Variants in GUCY1A2 observed in about 807,000 individuals in gnomAD.
The protein encoded by GUCY1A2 is guanylate cyclase 1 soluble subunit alpha 2, also known as guanylate cyclase soluble subunit alpha-2.
GUCY1A2 carries 27 observed loss-of-function variants against 63.5 expected under a neutral mutation model. That is an observed-to-expected ratio of 0.43 (90% CI 0.31 to 0.59). The LOEUF (loss-of-function observed/expected upper bound fraction) is 0.59, where lower values mean the gene tolerates loss of function less well. Ranked by LOEUF, GUCY1A2 falls within the 20% of genes least tolerant of loss-of-function variation. The probability of loss-of-function intolerance (pLI) is 0.11; values close to 1 mark genes in which losing one functional copy is unlikely to be tolerated. For synonymous variants in GUCY1A2, 364 were observed against 343.5 expected (o/e 1.06, Z -0.66); for missense variants, 768 against 913.3 (o/e 0.84, Z 2.05).
At chr11:106,690,626 A>G in intron 7 of GUCY1A2, among the ~76,000 whole-genome samples, 1 of 152,298 alleles carries the variant, frequency 6.6e-6, no homozygotes, top group African/African-American at 2.4e-5. Flanking sequence ...ACGAACCCCC[A>G]TGACACTCAT....
At chr11:106,851,317 G>C (rs973364936) in intron 4 of GUCY1A2, among the ~76,000 whole-genome samples, 3 of 151,674 alleles carry the variant, frequency 2.0e-5, no homozygotes, top group African/African-American at 7.3e-5. Context: ...CATAACTGTT[G>C]ATTCTTTCCT....
intron 4 of GUCY1A2, among the ~76,000 whole-genome samples, chr11:106,902,207 TG>T (rs987206233): frequency 6.6e-6 from 1 of 152,216 alleles, no homozygotes; most frequent in African/African-American, 2.4e-5. Context: ...ACTATTATTT[TG>T]AAAGGAATCT....
At chr11:106,789,514 G>C (rs753835410) in intron 5 of GUCY1A2, among the ~76,000 whole-genome samples, 3 of 152,166 alleles carry the variant, frequency 2.0e-5, no homozygotes, top group Non-Finnish European at 2.9e-5. Flanking sequence ...ATTTGGTGAA[G>C]TCACATTTTC....
At chr11:106,896,203 G>T (rs1362261263) in intron 4 of GUCY1A2, among the ~76,000 whole-genome samples, 1 of 151,680 alleles carries the variant, frequency 6.6e-6, no homozygotes, top group African/African-American at 2.4e-5. Context: ...ACATCAATAG[G>T]CTAAAGAAGA....
intron 4 of GUCY1A2, among the ~76,000 whole-genome samples, chr11:106,837,500 G>T (rs1242693066): frequency 6.6e-6 from 1 of 151,870 alleles, no homozygotes; most frequent in East Asian, 1.9e-4. Context: ...ATTCCTTTGG[G>T]TATATACCCA....
intron 1 of GUCY1A2, among the ~76,000 whole-genome samples, chr11:107,015,222 A>T (rs1861803210): frequency 6.6e-6 from 1 of 152,182 alleles, no homozygotes; most frequent in South Asian, 2.1e-4. Flanking sequence ...CTCAGCGTCC[A>T]CCTGACAGAC....
At chr11:106,827,090 G>A (rs1858981042) in intron 4 of GUCY1A2, 1 of 1,495,768 alleles carries the variant, frequency 6.7e-7, no homozygotes, top group African/African-American at 1.4e-5. Flanking sequence ...AACTCATCCT[G>A]AAGGTAGATT....
At chr11:106,810,502 G>A in intron 4 of GUCY1A2, 24 bp from the exon 5 acceptor site, 2 of 1,571,566 alleles carry the variant, frequency 1.3e-6, no homozygotes, top group Non-Finnish European at 1.7e-6. Context: ...ATGGAATTTT[G>A]ATCAGTACTC....
intron 4 of GUCY1A2, among the ~76,000 whole-genome samples, chr11:106,881,641 C>A (rs1302206304): frequency 1.3e-5 from 2 of 151,982 alleles, no homozygotes; most frequent in African/African-American, 4.8e-5. Context: ...CAAAATGTCA[C>A]CTATGCTACA....
At chr11:106,739,971 C>A (rs1259957221) in intron 6 of GUCY1A2, among the ~76,000 whole-genome samples, 2 of 151,094 alleles carry the variant, frequency 1.3e-5, no homozygotes, top group Non-Finnish European at 2.9e-5. Context: ...GTAAGTACCA[C>A]TACCTTTACA....
At chr11:106,736,099 G>T (rs772830370) in intron 6 of GUCY1A2, among the ~76,000 whole-genome samples, 14 of 151,882 alleles carry the variant, frequency 9.2e-5, no homozygotes, top group South Asian at 2.1e-4. Context: ...TCACTTTTTT[G>T]ATTGTTTCCT....
chr11:106,984,600 G>C (rs1861377814), intron 2 of GUCY1A2, among the ~76,000 whole-genome samples: 1 of 152,172 alleles, frequency 6.6e-6, no homozygotes, highest in Non-Finnish European at 1.5e-5. Flanking sequence ...AAGCGAAAGA[G>C]CATTCATAAT....
intron 4 of GUCY1A2, among the ~76,000 whole-genome samples, chr11:106,847,223 G>T (rs1233070907): frequency 1.1e-5 from 1 of 93,654 alleles, no homozygotes; most frequent in Non-Finnish European, 2.4e-5. Context: ...TAGTGATATT[G>T]CAAAACTCAA....
At chr11:106,814,092 A>G (rs1858799773) in intron 4 of GUCY1A2, among the ~76,000 whole-genome samples, 1 of 152,076 alleles carries the variant, frequency 6.6e-6, no homozygotes, top group African/African-American at 2.4e-5. Flanking sequence ...TACAATTTTA[A>G]ATATAAATCA....
intron 4 of GUCY1A2, among the ~76,000 whole-genome samples, chr11:106,912,886 T>C (rs927484639): frequency 6.6e-6 from 1 of 152,142 alleles, no homozygotes. Context: ...GTTAGCCAAG[T>C]AGGAGTTTGA....
intron 6 of GUCY1A2, among the ~76,000 whole-genome samples, chr11:106,726,441 C>T (rs1449696927): frequency 6.6e-6 from 1 of 151,994 alleles, no homozygotes; most frequent in Non-Finnish European, 1.5e-5. Flanking sequence ...ACAAAAACCA[C>T]AGAAAAACAG....
intron 3 of GUCY1A2, 69 bp downstream of exon 3, chr11:106,978,550 A>T: frequency 9.3e-7 from 1 of 1,077,784 alleles, no homozygotes; most frequent in Middle Eastern, 3.1e-4. Context: ...AGAACATGAA[A>T]CACTTCCACC....
In GUCY1A2 at chr11:106,681,239, G is replaced by A; in HGVS notation, c.*6310C>T. 1 of 219,932 alleles carries A rather than the reference G, an allele frequency of 4.5e-6. No homozygotes were observed. The highest frequency in any genetic ancestry group is 6.6e-5 in the East Asian group (1 of 15,078). 13.6% of individuals were successfully genotyped at this position (219,932 alleles called of 1,614,324 possible). On this transcript the variant is annotated 3_prime_UTR_variant, in exon 8 of 8. Coordinates refer to ENST00000526355, the MANE Select transcript of GUCY1A2 (RefSeq NM_000855.3). ...ATCATACTTACCAAAAACTTGTGTA[G>A]CTATCATTGAAAACAGTAATAATGA...
chr11:106,712,084 G>A (rs145668850), intron 6 of GUCY1A2, among the ~76,000 whole-genome samples: 329 of 151,844 alleles, frequency 2.2e-3, no homozygotes, highest in Middle Eastern at 6.8e-3. Flanking sequence ...ATCAAATTTG[G>A]TAATTTTCTA....
Sources: allele counts gnomAD v4.1 joint callset (sites outside exome capture counted in the v4.1 genomes callset), GRCh38; gene constraint gnomAD v4.1.1; transcripts MANE v1.5; gene names NCBI Gene and HGNC (gene_info 2026-07-23, HGNC 2026-07-21).